LOXL3: variants seen among roughly 807,000 people sequenced by gnomAD.
The protein encoded by LOXL3 is lysyl oxidase homolog 3.
Under a neutral mutation model 91.8 loss-of-function variants are expected in LOXL3, and 60 were observed. That is an observed-to-expected ratio of 0.65 (90% CI 0.53 to 0.81). The LOEUF (loss-of-function observed/expected upper bound fraction) is 0.81. LOXL3 is among the 30% of genes least tolerant of loss of function. The probability of loss-of-function intolerance (pLI) is 0.00; values close to 1 mark genes in which losing one functional copy is unlikely to be tolerated. For missense variants in LOXL3, 874 were observed against 1,000.4 expected (o/e 0.87, Z 1.70); for synonymous variants, 355 against 387.6 (o/e 0.92, Z 0.99).
At position 74,538,008 on chromosome 2, in the gene LOXL3, C is replaced by G. The variant is rs889914604; in HGVS notation, c.693-1080G>C. Among the ~76,000 whole-genome samples the G allele has an allele frequency of 2.8e-4, 42 of 152,110 alleles. 2 individuals carry two copies. Among genetic ancestry groups the G allele is most frequent in the Non-Finnish European group, 1.5e-5 (1 of 68,024 alleles). On this transcript the variant is annotated intron_variant, in intron 4 of 13. Transcript: ENST00000264094. ...CTTGAAGCCATTGGCTAGGAAGACA[C>G]AGGAGGAGGAAAAGTTTATACACAA...
chr2:74,550,298 T>C lies in LOXL3; in HGVS notation c.364A>G (p.Thr122Ala), dbSNP rs754132327. ...CCCCAGCCCCGGGAGGCACATTCAG[T>C]CACACTCTGCTCGGTCCCACTGCAG... ...LSCSGTEQSV[T>A]ECASRGWGNS... The change falls in exon 3 of 14, where the codon ACT becomes GCT. Residue 122 changes from threonine to alanine, a missense_variant. Physicochemically the swap from Thr to Ala is moderately conservative, Grantham distance 58. Transcript: ENST00000264094. 3.1e-6 allele frequency: 5 copies of C among 1,614,162 alleles called. No individual in the cohort carries two copies. Among genetic ancestry groups the C allele is most frequent in the Non-Finnish European group, 4.2e-6 (5 of 1,180,028 alleles).
At chr2:74,543,186 C>T (rs1014065015) in intron 4 of LOXL3, among the ~76,000 whole-genome samples, 6 of 152,216 alleles carry the variant, frequency 3.9e-5, no homozygotes, top group Non-Finnish European at 5.9e-5. Context: ...TGCCTAGAGC[C>T]GCCTACTCCT....
rs369288988 is a variant in LOXL3, at chr2:74,535,553, A to G, written c.1416+35T>C. ...CTCTGCCCAAAACACAGGCTTTGAG[A>G]CAACAGCCTCGGCTCCCCTTTCCTT... On this transcript the variant is annotated intron_variant, in intron 8 of 13. Transcript: ENST00000264094. This position sits in a 1 kb window ranked among gnomAD's most constrained non-coding sequence, Gnocchi z 4.2. 1 of 1,612,786 alleles carries G rather than the reference A, an allele frequency of 6.2e-7. No homozygotes were observed. Among genetic ancestry groups the G allele is most frequent in the South Asian group, 1.1e-5 (1 of 91,074 alleles).
chr2:74,537,144 T>C (rs1213843230), intron 4 of LOXL3, among the ~76,000 whole-genome samples: 2 of 152,200 alleles, frequency 1.3e-5, no homozygotes, highest in Non-Finnish European at 2.9e-5. Context: ...AGGAGGGGCC[T>C]TGGGGACCTC....
At position 74,535,148 on chromosome 2, in the gene LOXL3, A is replaced by G; in HGVS notation, c.1579+144T>C. The G allele has an allele frequency of 1.1e-6, 1 of 897,172 alleles. No individual in the cohort carries two copies. The highest frequency in any genetic ancestry group is 1.6e-6 in the Non-Finnish European group (1 of 606,166). The allele number at this position is 897,172 out of a possible 1,614,324, so 55.6% of individuals were successfully genotyped here. ...CGCCTTGGCCTCCTAAAGTGCTGGG[A>G]TTACAGGCGTGAGCCACTGCACCCG... On this transcript the variant is annotated intron_variant, in intron 9 of 13. Transcript: ENST00000264094. This position sits in a 1 kb window ranked among gnomAD's most constrained non-coding sequence, Gnocchi z 4.2.
intron 4 of LOXL3, among the ~76,000 whole-genome samples, chr2:74,537,781 G>A (rs551618912): frequency 6.6e-6 from 1 of 152,192 alleles, no homozygotes; most frequent in Non-Finnish European, 1.5e-5. Flanking sequence ...TTGAGAGAAT[G>A]GGGGGACTTC....
At position 74,546,793 on chromosome 2, in the gene LOXL3, C is replaced by T. The variant is rs560847100; in HGVS notation, c.692+2576G>A. Among the ~76,000 whole-genome samples the T allele has an allele frequency of 3.4e-4, 52 of 152,140 alleles. 1 individual carries two copies. The highest frequency in any genetic ancestry group is 1.2e-3 in the Admixed American group (18 of 15,288). On this transcript the variant is annotated intron_variant, in intron 4 of 13. Transcript: ENST00000264094. ...GTGCAATGGCGCGATCTCAGCTCAC[C>T]GCAACCTCCGCCTCCCGGGTTCAAG...
Position 74,549,207 on chromosome 2 carries a change from G to T in LOXL3, c.692+162C>A. The stretch of plus-strand genomic sequence containing the variant: ...TGGGGCACCTTTCGTGGTCCCACAA[G>T]ATTTCCCAACTCTCCAGCTTTGCAA... On this transcript the variant is annotated intron_variant, in intron 4 of 13. Coordinates refer to ENST00000264094, the MANE Select transcript of LOXL3 (RefSeq NM_032603.5). The surrounding 1 kb of genome is among the most constrained non-coding windows in gnomAD (Gnocchi z 5.3). 1 of 770,508 alleles carries T rather than the reference G, an allele frequency of 1.3e-6. No homozygotes were observed. Among genetic ancestry groups the T allele is most frequent in the Non-Finnish European group, 1.9e-6 (1 of 514,102 alleles). 47.7% of individuals were successfully genotyped at this position (770,508 alleles called of 1,614,324 possible).
chr2:74,543,429 A>C (rs1483007933), intron 4 of LOXL3, among the ~76,000 whole-genome samples: 1 of 152,184 alleles, frequency 6.6e-6, no homozygotes, highest in Admixed American at 6.5e-5. Flanking sequence ...AAAAAAAGAT[A>C]ATTATCTCAG....
rs905074850 is a variant in LOXL3 at position 74,552,435 on chromosome 2, C to A, written c.200G>T (p.Gly67Val). The change falls in exon 2 of 14, where the codon GGC becomes GTC. Residue 67 changes from glycine to valine, a missense_variant. Coordinates refer to ENST00000264094, the MANE Select transcript of LOXL3 (RefSeq NM_032603.5). ...RVEIQRAGEW[G>V]TICDDDFTLQ... ...CGTGAAGTCATCATCGCAGATGGTG[C>A]CCCATTCACCAGCTCGCTGTATCTC... The A allele has an allele frequency of 6.2e-7, 1 of 1,613,762 alleles. No homozygotes were observed. Among genetic ancestry groups the A allele is most frequent in the African/African-American group, 1.3e-5 (1 of 74,926 alleles).
chr2:74,552,192 C>T, intron 2 of LOXL3, 130 bp downstream of exon 2: 1 of 825,628 alleles, frequency 1.2e-6, no homozygotes, highest in South Asian at 1.8e-5. Context: ...GTTTGTCATC[C>T]ATGGATTTAC....
intron 4 of LOXL3, among the ~76,000 whole-genome samples, chr2:74,540,237 C>T (rs1165050082): frequency 1.3e-5 from 2 of 152,130 alleles, no homozygotes; most frequent in Non-Finnish European, 2.9e-5. Flanking sequence ...GACGGTGCCC[C>T]CATGCCAGCA....
rs1338145917 is a variant in LOXL3, at chr2:74,549,225, C to T, written c.692+144G>A. ...CCCACAAGATTTCCCAACTCTCCAG[C>T]TTTGCAACGGCCTCCATATTTTCCC... On this transcript the variant is annotated intron_variant, in intron 4 of 13. Coordinates refer to ENST00000264094, the MANE Select transcript of LOXL3 (RefSeq NM_032603.5). The surrounding 1 kb of genome is among the most constrained non-coding windows in gnomAD (Gnocchi z 5.3). The T allele has an allele frequency of 2.2e-6, 2 of 919,382 alleles. No individual in the cohort carries two copies. The highest frequency in any genetic ancestry group is 1.6e-6 in the Non-Finnish European group (1 of 640,636). The allele number at this position is 919,382 out of a possible 1,614,324, so 57.0% of individuals were successfully genotyped here.
In LOXL3 at chr2:74,535,223, C is replaced by A; in HGVS notation, c.1579+69G>T. 1.3e-6 allele frequency: 2 copies of A among 1,527,406 alleles called. No homozygotes were observed. Among genetic ancestry groups the A allele is most frequent in the East Asian group, 2.3e-5 (1 of 44,026 alleles). 94.6% of individuals were successfully genotyped at this position (1,527,406 alleles called of 1,614,324 possible). A position where few individuals can be genotyped will look rare whatever the true frequency, so the allele number is the denominator to read the frequency against. On this transcript the variant is annotated intron_variant, in intron 9 of 13. Coordinates refer to ENST00000264094, the MANE Select transcript of LOXL3 (RefSeq NM_032603.5). The surrounding 1 kb of genome is among the most constrained non-coding windows in gnomAD (Gnocchi z 4.2). ...AGAAGTGCCCCTCCAGATTACAGCC[C>A]CCTTTCCCTGCAAACGGGTGGCCCA...
At chr2:74,548,011 T>C (rs1676707664) in intron 4 of LOXL3, among the ~76,000 whole-genome samples, 1 of 152,278 alleles carries the variant, frequency 6.6e-6, no homozygotes, top group Non-Finnish European at 1.5e-5. Flanking sequence ...GTGTTCTGTT[T>C]CTTCCCAGTT....
rs115985143 is a variant in LOXL3 at position 74,541,541 on chromosome 2, C to G, written c.693-4613G>C. ...TACTGAGACATTGCTAATAGTTAGA[C>G]TCTTTCATCTTATAAATATGGTGTG... On this transcript the variant is annotated intron_variant, in intron 4 of 13. Transcript: ENST00000264094. Among the ~76,000 whole-genome samples the G allele has an allele frequency of 3.4e-3, 514 of 152,304 alleles. 2 individuals are homozygous for G. Among genetic ancestry groups the G allele is most frequent in the African/African-American group, 0.012 (501 of 41,572 alleles).
chr2:74,549,584 C>G lies in LOXL3; in HGVS notation c.478-1G>C, dbSNP rs753712580. The G allele has an allele frequency of 8.1e-6, 13 of 1,602,030 alleles. No homozygotes were observed. Among genetic ancestry groups the G allele is most frequent in the Non-Finnish European group, 1.1e-5 (13 of 1,171,400 alleles). Reference sequence around the variant, plus strand: ...CCTCCACTTGCAGGTGATGCTCTACCTGGGGGCGGGGCCACAAGCAGGGAA... The same window carrying G: ...CCTCCACTTGCAGGTGATGCTCTACGTGGGGGCGGGGCCACAAGCAGGGAA... On this transcript the variant is annotated splice_acceptor_variant, in intron 3 of 13. Transcript: ENST00000264094. LOFTEE classifies it high-confidence loss of function. The surrounding 1 kb of genome is among the most constrained non-coding windows in gnomAD (Gnocchi z 5.3).
In LOXL3 at chr2:74,535,168, C is replaced by T; in HGVS notation, c.1579+124G>A. ...CTGGGATTACAGGCGTGAGCCACTGCACCCGGCGAAACTGGCTCTTTTATG... is the reference window on the plus strand; with the variant it reads ...CTGGGATTACAGGCGTGAGCCACTGTACCCGGCGAAACTGGCTCTTTTATG... On this transcript the variant is annotated intron_variant, in intron 9 of 13. Coordinates refer to ENST00000264094, the MANE Select transcript of LOXL3 (RefSeq NM_032603.5). This position sits in a 1 kb window ranked among gnomAD's most constrained non-coding sequence, Gnocchi z 4.2. The T allele has an allele frequency of 9.0e-7, 1 of 1,113,752 alleles. No individual in the cohort carries two copies. The highest frequency in any genetic ancestry group is 1.3e-6 in the Non-Finnish European group (1 of 795,538). The allele number at this position is 1,113,752 out of a possible 1,614,324, so 69.0% of individuals were successfully genotyped here. A position where few individuals can be genotyped will look rare whatever the true frequency, so the allele number is the denominator to read the frequency against.
intron 2 of LOXL3, among the ~76,000 whole-genome samples, chr2:74,551,939 G>A (rs1339871980): frequency 2.0e-5 from 3 of 152,262 alleles, no homozygotes; most frequent in African/African-American, 7.2e-5. Context: ...GACCCCTTGT[G>A]ACTTTGGGAC....
Sources: allele counts gnomAD v4.1 joint callset (sites outside exome capture counted in the v4.1 genomes callset), GRCh38; gene constraint gnomAD v4.1.1; non-coding constraint Gnocchi (gnomAD v3.1); transcripts MANE v1.5; gene names NCBI Gene and HGNC (gene_info 2026-07-23, HGNC 2026-07-21).